The following GRIP1 variants were observed in gnomAD, a reference collection of about 807,000 sequenced individuals.
GRIP1 encodes the protein glutamate receptor-interacting protein 1.
GRIP1 carries 45 observed loss-of-function variants against 129.9 expected under a neutral mutation model. The ratio of observed to expected loss-of-function variants is 0.35; its 90% CI spans 0.27 to 0.44. The LOEUF is 0.44. Among genes scored for constraint, GRIP1 ranks in the 20% least tolerant of loss-of-function variants. The pLI is 1.00. For synonymous variants in GRIP1, 530 were observed against 520.8 expected (o/e 1.02, Z -0.24); for missense variants, 1,196 against 1,396.8 (o/e 0.86, Z 2.29).
chr12:66,687,516 G>A (rs909160625), intron 1 of GRIP1, among the ~76,000 whole-genome samples: 2 of 152,114 alleles, frequency 1.3e-5, no homozygotes, highest in African/African-American at 4.8e-5. Flanking sequence ...CCACCATGAT[G>A]GGCCCTGGAT....
chr12:66,537,913 T>C (rs1249268096), intron 4 of GRIP1, among the ~76,000 whole-genome samples: 2 of 152,232 alleles, frequency 1.3e-5, no homozygotes, highest in Non-Finnish European at 2.9e-5. Flanking sequence ...GGTGCCGCTG[T>C]TCTTCCTCTG....
chr12:66,744,575 G>A (rs1416937078), intron 1 of GRIP1, among the ~76,000 whole-genome samples: 1 of 152,092 alleles, frequency 6.6e-6, no homozygotes, highest in East Asian at 1.9e-4. Context: ...GAAGCAATCT[G>A]CTCTGGACTG....
intron 1 of GRIP1, among the ~76,000 whole-genome samples, chr12:66,661,478 G>C (rs1277611309): frequency 6.7e-6 from 1 of 149,036 alleles, no homozygotes; most frequent in Non-Finnish European, 1.5e-5. Context: ...AAAAAAGGTG[G>C]AGGGGAGATG....
chr12:66,842,167 G>GA (rs1285503604), intron 1 of GRIP1, among the ~76,000 whole-genome samples: 4 of 151,786 alleles, frequency 2.6e-5, no homozygotes, highest in African/African-American at 9.7e-5. Flanking sequence ...AAATTACCCA[G>GA]AAAAAAACAA....
At chr12:66,714,882 T>TCCAC (rs952669095) in intron 1 of GRIP1, among the ~76,000 whole-genome samples, 1 of 114,916 alleles carries the variant, frequency 8.7e-6, no homozygotes, top group Admixed American at 9.8e-5. Context: ...ATCCATTCAA[T>TCCAC]CCACCCATCC....
intron 1 of GRIP1, among the ~76,000 whole-genome samples, chr12:66,964,688 A>G (rs1228963240): frequency 6.6e-6 from 1 of 152,170 alleles, no homozygotes; most frequent in Non-Finnish European, 1.5e-5. Flanking sequence ...TAGATAACAC[A>G]TACTCCGATT....
chr12:66,450,031 TG>T lies in GRIP1; in HGVS notation c.1355-4524del, dbSNP rs548837523. 1.4e-3 allele frequency among the ~76,000 whole-genome samples: 212 copies of T among 151,970 alleles called. 2 individuals are homozygous for T. Among genetic ancestry groups the T allele is most frequent in the Non-Finnish European group, 1.2e-3 (79 of 67,964 alleles). ...AGAAAGAGCCAAGAGCCGGGCGCGG[TG>T]GCTCACGCCTGTAATCCCAGCACTT... is the stretch of plus-strand genomic sequence containing the variant. On this transcript the variant is annotated intron_variant, in intron 11 of 24. Transcript: ENST00000359742.
chr12:67,025,587 A>G (rs1345856266), intron 1 of GRIP1, among the ~76,000 whole-genome samples: 1 of 152,174 alleles, frequency 6.6e-6, no homozygotes, highest in Non-Finnish European at 1.5e-5. Context: ...CAGTCCTTTC[A>G]TATGTTCATT....
intron 1 of GRIP1, among the ~76,000 whole-genome samples, chr12:66,705,486 C>A (rs1415955364): frequency 2.0e-5 from 3 of 151,988 alleles, no homozygotes; most frequent in Non-Finnish European, 4.4e-5. Flanking sequence ...CTGCCCAAAG[C>A]AATTCATAGA....
chr12:66,750,837 T>A (rs1224610246), intron 1 of GRIP1, among the ~76,000 whole-genome samples: 1 of 152,118 alleles, frequency 6.6e-6, no homozygotes, highest in Non-Finnish European at 1.5e-5. Context: ...AGGGGTTAAG[T>A]CACCAAATGA....
chr12:66,498,136 C>T (rs1040292100), intron 7 of GRIP1, among the ~76,000 whole-genome samples: 4 of 152,168 alleles, frequency 2.6e-5, no homozygotes, highest in African/African-American at 9.7e-5. Context: ...ACTCCCTTTT[C>T]GGACTCAGCC....
rs367642466 is a variant in GRIP1 at position 66,599,011 on chromosome 12, T to TG, written c.56-2085dup. Among the ~76,000 whole-genome samples, 26 of 152,300 alleles carry TG rather than the reference T, an allele frequency of 1.7e-4. No individual in the cohort carries two copies. The East Asian group carries it at 4.8e-3, about 28-fold the overall frequency. ...TTTGCATTTCAGAAGTAGTGAACCC[T>TG]GGTAAAATGGTTTTCTCATTTATAT... On this transcript the variant is annotated intron_variant, in intron 1 of 24. Coordinates refer to ENST00000359742, the MANE Select transcript of GRIP1 (RefSeq NM_001366722.1).
At chr12:66,676,684 A>C (rs1351503083) in intron 1 of GRIP1, among the ~76,000 whole-genome samples, 1 of 152,172 alleles carries the variant, frequency 6.6e-6, no homozygotes, top group Non-Finnish European at 1.5e-5. Context: ...GTTGAGGGTG[A>C]GGGTGTGGGA....
intron 11 of GRIP1, among the ~76,000 whole-genome samples, chr12:66,448,680 T>C (rs57537422): frequency 0.077 from 11,732 of 152,184 alleles, 1,260 homozygotes; most frequent in African/African-American, 0.24. Flanking sequence ...TTTTCAAAAC[T>C]GAGTGAATTT....
At chr12:66,381,934 A>C (rs1385533678) in intron 19 of GRIP1, among the ~76,000 whole-genome samples, 1 of 152,220 alleles carries the variant, frequency 6.6e-6, no homozygotes, top group African/African-American at 2.4e-5. Context: ...TGACCCAGAG[A>C]TTAAAGTAAG....
chr12:66,526,248 T>TG (rs1207330366), intron 5 of GRIP1, among the ~76,000 whole-genome samples: 8 of 150,910 alleles, frequency 5.3e-5, no homozygotes, highest in African/African-American at 2.0e-4. Flanking sequence ...AAAACAAAGC[T>TG]GGAGGCATCA....
At chr12:66,984,116 A>G (rs1730622573) in intron 1 of GRIP1, among the ~76,000 whole-genome samples, 1 of 152,208 alleles carries the variant, frequency 6.6e-6, no homozygotes, top group African/African-American at 2.4e-5. Context: ...TTAAGCCTCT[A>G]GTCTATACTT....
intron 2 of GRIP1, chr12:66,567,979 T>G (rs894780265): frequency 4.9e-5 from 9 of 182,832 alleles, no homozygotes; most frequent in Non-Finnish European, 1.0e-4. Context: ...CCCCACCCTA[T>G]GTTGTGTGTC....
chr12:66,672,214 T>C (rs2034115109), intron 1 of GRIP1, among the ~76,000 whole-genome samples: 1 of 152,218 alleles, frequency 6.6e-6, no homozygotes, highest in Admixed American at 6.5e-5. Flanking sequence ...AATTCATCTG[T>C]TTTGAAAATG....
Sources: allele counts gnomAD v4.1 joint callset (sites outside exome capture counted in the v4.1 genomes callset), GRCh38; gene constraint gnomAD v4.1.1; transcripts MANE v1.5; gene names NCBI Gene and HGNC (gene_info 2026-07-23, HGNC 2026-07-21).